FGF14: variants seen among roughly 807,000 people sequenced by gnomAD.
The protein encoded by FGF14 is fibroblast growth factor 14.
A neutral mutation model predicts 25.5 loss-of-function variants in FGF14; 5 were observed. The ratio of observed to expected loss-of-function variants is 0.20; its 90% CI spans 0.10 to 0.41. The LOEUF (loss-of-function observed/expected upper bound fraction) is 0.41. Ranked by LOEUF, FGF14 falls within the 10% of genes least tolerant of loss-of-function variation. The probability of loss-of-function intolerance (pLI) is 1.00; values close to 1 mark genes in which losing one functional copy is unlikely to be tolerated. For missense variants in FGF14, 222 were observed against 320.1 expected, an observed-to-expected ratio of 0.69 and a Z score of 2.34; for synonymous variants, 138 against 118.3, an observed-to-expected ratio of 1.17 and a Z score of -1.08.
Position 101,971,626 on chromosome 13 carries a change from C to T in FGF14, c.209-96330G>A, listed in dbSNP as rs76017682. Among the ~76,000 whole-genome samples the T allele has an allele frequency of 5.1e-3, 776 of 152,274 alleles. 11 individuals are homozygous for T. Among genetic ancestry groups the T allele is most frequent in the African/African-American group, 0.018 (742 of 41,550 alleles). The stretch of plus-strand genomic sequence containing the variant: ...AGTTCAGGTGATCCACCCTTTTCAG[C>T]CTCCCAATATACTGGGATTATAGGC... On this transcript the variant is annotated intron_variant, in intron 1 of 4. Transcript: ENST00000376131.
chr13:102,224,203 T>C (rs2050735577), intron 1 of FGF14, among the ~76,000 whole-genome samples: 1 of 152,166 alleles, frequency 6.6e-6, no homozygotes, highest in Admixed American at 6.6e-5. Context: ...TCTCTCACAT[T>C]ACTATGCATT....
intron 1 of FGF14, among the ~76,000 whole-genome samples, chr13:102,022,987 TCTAA>T: frequency 7.1e-6 from 1 of 140,680 alleles, no homozygotes; most frequent in Admixed American, 7.5e-5. Context: ...GGGCCTCTAC[TCTAA>T]AGAATTTACA....
chr13:102,367,542 G>A (rs2057748568), intron 1 of FGF14: 1 of 151,934 alleles, frequency 6.6e-6, no homozygotes, highest in Middle Eastern at 3.4e-3. Context: ...ACAAGGGCAT[G>A]AACCCCAAGA....
At chr13:101,873,688 C>T (rs1232674804) in intron 2 of FGF14, among the ~76,000 whole-genome samples, 1 of 152,040 alleles carries the variant, frequency 6.6e-6, no homozygotes, top group African/African-American at 2.4e-5. Flanking sequence ...ATGTATTAGC[C>T]TGAACCATAA....
chr13:101,906,862 A>T (rs542819541), intron 1 of FGF14, among the ~76,000 whole-genome samples: 14 of 152,308 alleles, frequency 9.2e-5, no homozygotes, highest in African/African-American at 3.1e-4. Context: ...ACATATTATC[A>T]ATACTTGAAA....
At chr13:101,749,064 G>A (rs2037089905) in intron 3 of FGF14, among the ~76,000 whole-genome samples, 1 of 152,076 alleles carries the variant, frequency 6.6e-6, no homozygotes, top group African/African-American at 2.4e-5. Context: ...GTCACAAAAA[G>A]ACAAATACTA....
At chr13:102,259,325 C>A (rs945502251) in intron 1 of FGF14, among the ~76,000 whole-genome samples, 1 of 152,150 alleles carries the variant, frequency 6.6e-6, no homozygotes, top group African/African-American at 2.4e-5. Context: ...TGAGCACATC[C>A]CCACCCCCTG....
intron 3 of FGF14, among the ~76,000 whole-genome samples, chr13:101,826,807 T>C (rs550198735): frequency 6.6e-6 from 1 of 152,134 alleles, no homozygotes; most frequent in East Asian, 1.9e-4. Flanking sequence ...TTTTACAATA[T>C]GTATAATTCT....
chr13:102,024,920 T>G (rs2040847075), intron 1 of FGF14, among the ~76,000 whole-genome samples: 1 of 151,420 alleles, frequency 6.6e-6, no homozygotes, highest in African/African-American at 2.4e-5. Flanking sequence ...ACTTCCAGAA[T>G]CTCAATTCAG....
intron 1 of FGF14, among the ~76,000 whole-genome samples, chr13:102,093,522 T>A (rs983761988): frequency 2.0e-5 from 3 of 152,180 alleles, no homozygotes; most frequent in Non-Finnish European, 2.9e-5. Context: ...ATGCTAATCA[T>A]CTCTGCATGA....
chr13:102,075,821 A>G (rs1017726191), intron 1 of FGF14, among the ~76,000 whole-genome samples: 1 of 152,222 alleles, frequency 6.6e-6, no homozygotes, highest in Non-Finnish European at 1.5e-5. Context: ...GTGATATTGA[A>G]GATCCTGACC....
At chr13:102,129,764 C>G (rs2046111735) in intron 1 of FGF14, among the ~76,000 whole-genome samples, 1 of 151,874 alleles carries the variant, frequency 6.6e-6, no homozygotes, top group Non-Finnish European at 1.5e-5. Flanking sequence ...TGCAGCACAC[C>G]AACATGGCAC....
chr13:102,007,401 C>G (rs1175506745), intron 1 of FGF14, among the ~76,000 whole-genome samples: 4 of 152,098 alleles, frequency 2.6e-5, no homozygotes, highest in Non-Finnish European at 5.9e-5. Flanking sequence ...GTCTCATAAT[C>G]AAAAGCCATG....
rs920722519 is a variant in FGF14 at position 101,916,761 on chromosome 13, T to G, written c.-116A>C. ...CTCGCCCTCGGGGCAGAGGAGGGGG[T>G]GCCAGGCGGGACTGGGGAGAGGGGA... On this transcript the variant is annotated 5_prime_UTR_variant, in exon 1 of 5. Coordinates refer to ENST00000376143, the MANE Select transcript of FGF14 (RefSeq NM_004115.4). The G allele has an allele frequency of 3.5e-6, 3 of 865,930 alleles. No individual in the cohort carries two copies. The highest frequency in any genetic ancestry group is 1.7e-6 in the Non-Finnish European group (1 of 586,810). 53.6% of individuals were successfully genotyped at this position (865,930 alleles called of 1,614,324 possible). A position where few individuals can be genotyped will look rare whatever the true frequency, so the allele number is the denominator to read the frequency against.
At chr13:102,258,282 A>T (rs1253598435) in intron 1 of FGF14, among the ~76,000 whole-genome samples, 1 of 152,148 alleles carries the variant, frequency 6.6e-6, no homozygotes, top group Non-Finnish European at 1.5e-5. Flanking sequence ...AACCATATCA[A>T]GCTGGGAGCA....
At chr13:102,142,393 T>A (rs965141256) in intron 1 of FGF14, among the ~76,000 whole-genome samples, 2 of 146,212 alleles carry the variant, frequency 1.4e-5, no homozygotes, top group African/African-American at 2.5e-5. Context: ...TTTTACTCCT[T>A]AAAAAAAAAA....
chr13:102,072,974 AC>A, intron 1 of FGF14, among the ~76,000 whole-genome samples: 1 of 152,282 alleles, frequency 6.6e-6, no homozygotes, highest in South Asian at 2.1e-4. Flanking sequence ...AATATATCTT[AC>A]TTCTTACCGT....
intron 3 of FGF14, among the ~76,000 whole-genome samples, chr13:101,788,658 G>C (rs2039994848): frequency 6.6e-6 from 1 of 151,650 alleles, no homozygotes; most frequent in Non-Finnish European, 1.5e-5. Flanking sequence ...GGGGAGGAGA[G>C]ACAGGCATTT....
intron 1 of FGF14, among the ~76,000 whole-genome samples, chr13:102,265,031 A>T (rs527773228): frequency 1.3e-5 from 2 of 152,284 alleles, no homozygotes; most frequent in East Asian, 3.9e-4. Context: ...GTAATTAAAA[A>T]TACTTCTAAT....
Sources: allele counts gnomAD v4.1 joint callset (sites outside exome capture counted in the v4.1 genomes callset), GRCh38; gene constraint gnomAD v4.1.1; transcripts MANE v1.5; gene names NCBI Gene and HGNC (gene_info 2026-07-23, HGNC 2026-07-21).